PCID2: variants seen among roughly 807,000 people sequenced by gnomAD.
PCID2 encodes the protein PCI domain containing 2.
Under a neutral mutation model 61.3 loss-of-function variants are expected in PCID2, and 41 were observed. That is an observed-to-expected ratio of 0.67 (90% CI 0.52 to 0.87). The LOEUF is 0.87. PCID2 is among the 40% of genes least tolerant of loss of function. PCID2 has a pLI of 0.00. For synonymous variants in PCID2, 187 were observed against 177.8 expected, an observed-to-expected ratio of 1.05 and a Z score of -0.41; for missense variants, 392 against 493.4, an observed-to-expected ratio of 0.79 and a Z score of 1.95.
the PCID2 span, chr13:113,172,083 G>A: frequency 1.9e-6 from 3 of 1,612,894 alleles, no homozygotes; most frequent in Non-Finnish European, 2.5e-6. Context: ...TACTCACTCT[G>A]GTTTAAACAG....
At chr13:113,199,421 G>A (rs993583590) in intron 2 of PCID2, among the ~76,000 whole-genome samples, 1 of 152,204 alleles carries the variant, frequency 6.6e-6, no homozygotes, top group African/African-American at 2.4e-5. Flanking sequence ...TAAGCACACT[G>A]CGTTTTTTTG....
In PCID2 at chr13:113,208,506, A is replaced by C; in HGVS notation, c.36+93T>G. On this transcript the variant is annotated intron_variant, in intron 1 of 13. Coordinates refer to ENST00000337344, the MANE Select transcript of PCID2 (RefSeq NM_001127202.4). ...ACGGAAGAAGGGTGGCGAGGCGGGA[A>C]AGGAAAAGGCCTGAGGGTCCAAGGC... The C allele has an allele frequency of 1.9e-6, 3 of 1,551,050 alleles. No homozygotes were observed. The Admixed American group carries it at 5.8e-5, about 30-fold the overall frequency.
At chr13:113,198,055 A>C (rs1595244469) in intron 3 of PCID2, 136 bp downstream of exon 3, 2 of 645,590 alleles carry the variant, frequency 3.1e-6, no homozygotes, top group East Asian at 5.2e-5. Flanking sequence ...TACCAAACTG[A>C]AGTTACAAAT....
In PCID2 at chr13:113,181,110, A is replaced by G. The variant is rs2296066; in HGVS notation, c.786+20T>C. ...TGTGAAAGCACCAGGATCTATAAAC[A>G]TGGAGTAATAATCACTCACCAATAG... On this transcript the variant is annotated intron_variant, in intron 10 of 13. Coordinates refer to ENST00000337344, the MANE Select transcript of PCID2 (RefSeq NM_001127202.4). 26,198 of 1,471,794 alleles carry G rather than the reference A, an allele frequency of 0.018. 469 individuals carry two copies. The highest frequency in any genetic ancestry group is 0.066 in the East Asian group (2,916 of 44,246). The allele number at this position is 1,471,794 out of a possible 1,614,324, so 91.2% of individuals were successfully genotyped here.
chr13:113,205,971 G>A (rs1279219387), intron 1 of PCID2, among the ~76,000 whole-genome samples: 1 of 152,146 alleles, frequency 6.6e-6, no homozygotes, highest in African/African-American at 2.4e-5. Flanking sequence ...ACTTCGGTGG[G>A]GCAATGGTGC....
intron 10 of PCID2, 31 bp downstream of exon 10, chr13:113,181,099 G>A: frequency 1.4e-6 from 2 of 1,397,204 alleles, no homozygotes; most frequent in Non-Finnish European, 2.0e-6. Context: ...AAAGCACCAG[G>A]ATCTATAAAC....
At chr13:113,189,177 G>C (rs2038384290) in intron 7 of PCID2, among the ~76,000 whole-genome samples, 1 of 152,064 alleles carries the variant, frequency 6.6e-6, no homozygotes, top group Admixed American at 6.6e-5. Context: ...CTCCTCTCTT[G>C]CCATGTAGTG....
At chr13:113,206,586 G>A (rs9577481) in intron 1 of PCID2, among the ~76,000 whole-genome samples, 18,293 of 152,234 alleles carry the variant, frequency 0.12, 1,445 homozygotes, top group East Asian at 0.21. Flanking sequence ...AGTGACATTG[G>A]CACTTATGTT....
At chr13:113,188,016 T>C (rs1048549011) in intron 7 of PCID2, 7 of 152,264 alleles carry the variant, frequency 4.6e-5, no homozygotes, top group African/African-American at 1.7e-4. Flanking sequence ...GGAACGCTAG[T>C]GATGGAGAAG....
At chr13:113,168,158 G>A in the PCID2 span, among the ~76,000 whole-genome samples, 1 of 152,188 alleles carries the variant, frequency 6.6e-6, no homozygotes, top group Non-Finnish European at 1.5e-5. Flanking sequence ...TGTTTAAACA[G>A]TATCCTGTAA....
intron 9 of PCID2, among the ~76,000 whole-genome samples, chr13:113,183,514 T>C (rs997580210): frequency 6.6e-6 from 1 of 152,096 alleles, no homozygotes; most frequent in Non-Finnish European, 1.5e-5. Flanking sequence ...GGTCAGTCCA[T>C]ACAAGCCCAC....
At chr13:113,208,417 G>C (rs889739082) in intron 1 of PCID2, 182 bp downstream of exon 1, 1 of 1,485,660 alleles carries the variant, frequency 6.7e-7, no homozygotes, top group South Asian at 1.3e-5. Flanking sequence ...GGGAGAACTC[G>C]GGCCGCCTTC....
At chr13:113,174,174 G>A (rs538601342), downstream of PCID2, among the ~76,000 whole-genome samples, 49 of 151,528 alleles carry the variant, frequency 3.2e-4, no homozygotes, top group African/African-American at 1.1e-3. Context: ...GGAGGCAGAG[G>A]TTGCAGTAAA....
chr13:113,201,022 A>G (rs2039390375), intron 1 of PCID2, among the ~76,000 whole-genome samples: 1 of 152,254 alleles, frequency 6.6e-6, no homozygotes, highest in African/African-American at 2.4e-5. Context: ...AAGATGAATT[A>G]TTCTAATTTT....
At chr13:113,201,995 G>A (rs750775647) in intron 1 of PCID2, among the ~76,000 whole-genome samples, 5 of 152,146 alleles carry the variant, frequency 3.3e-5, no homozygotes, top group East Asian at 1.9e-4. Flanking sequence ...ACAAGCAGAT[G>A]AGATCCCTCT....
chr13:113,193,316 A>G (rs539317675), intron 6 of PCID2, among the ~76,000 whole-genome samples: 2 of 152,026 alleles, frequency 1.3e-5, no homozygotes, highest in Non-Finnish European at 2.9e-5. Context: ...TCCTATATAG[A>G]GTCAAAGAAT....
In PCID2 at chr13:113,208,613, G is replaced by A; in HGVS notation, c.22C>T (p.Gln8Ter). The stretch of plus-strand genomic sequence containing the variant: ...CTAGGACCCACCTGCTGCAGGTACT[G>A]GTTAATGGTAATGTGCGCCATGGGA... MAHITIN[Q>*]YLQQVYEAID... The change falls in exon 1 of 14, where the codon CAG (glutamine) becomes TAG (stop). Residue 8 changes from glutamine (Q) to a stop codon, truncating the protein, a stop_gained. Transcript: ENST00000337344. LOFTEE classifies it high-confidence loss of function. The A allele has an allele frequency of 2.5e-6, 4 of 1,609,256 alleles. No homozygotes were observed. Among genetic ancestry groups the A allele is most frequent in the South Asian group, 1.1e-5 (1 of 90,564 alleles).
chr13:113,169,193 G>A, the PCID2 span, among the ~76,000 whole-genome samples: 1 of 152,158 alleles, frequency 6.6e-6, no homozygotes. Flanking sequence ...TTTCTGTTGT[G>A]ATGCCTTCAA....
At chr13:113,207,922 G>A in intron 1 of PCID2, 1 of 1,007,988 alleles carries the variant, frequency 9.9e-7, no homozygotes, top group Non-Finnish European at 1.6e-6. Context: ...TCCTATCCCT[G>A]TTACCACAGT....
Sources: gnomAD v4.1 joint callset for allele counts (sites outside exome capture counted in the v4.1 genomes callset) on GRCh38, gnomAD v4.1.1 for gene constraint, MANE v1.5 for transcripts, NCBI Gene and HGNC (gene_info 2026-07-23, HGNC 2026-07-21) for gene names.